HSPA12A: variants seen among roughly 807,000 people sequenced by gnomAD.
HSPA12A encodes heat shock protein family A (Hsp70) member 12A.
Under a neutral mutation model 69.2 loss-of-function variants are expected in HSPA12A, and 28 were observed. The ratio of observed to expected loss-of-function variants is 0.40; its 90% confidence interval spans 0.30 to 0.55. The LOEUF (loss-of-function observed/expected upper bound fraction) is 0.55. Among genes scored for constraint, HSPA12A ranks in the 20% least tolerant of loss-of-function variants. The pLI is 0.38. For missense variants in HSPA12A, 686 were observed against 900.7 expected, an observed-to-expected ratio of 0.76 and a Z score of 3.05; for synonymous variants, 345 against 370.5, an observed-to-expected ratio of 0.93 and a Z score of 0.79.
In HSPA12A at chr10:116,759,924, G is replaced by A. The variant is rs188854023; in HGVS notation, c.92-52639C>T. Among the ~76,000 whole-genome samples the A allele has an allele frequency of 7.2e-4, 109 of 152,234 alleles. 1 individual carries two copies. Among genetic ancestry groups the A allele is most frequent in the Middle Eastern group, 3.4e-3 (1 of 294 alleles). On this transcript the variant is annotated intron_variant, in intron 2 of 12. Transcript: ENST00000635765. Reference sequence around the variant, plus strand: ...AACAAGTTCTGTTCTCTTGTCTGCCGCCATGTGAGATGTGCCTTTCACCTT... The same window carrying A: ...AACAAGTTCTGTTCTCTTGTCTGCCACCATGTGAGATGTGCCTTTCACCTT...
intron 2 of HSPA12A, among the ~76,000 whole-genome samples, chr10:116,821,937 A>C (rs1325868616): frequency 6.6e-6 from 1 of 152,244 alleles, no homozygotes; most frequent in Non-Finnish European, 1.5e-5. Flanking sequence ...TGTAATCCAG[A>C]TAATCCAGGC....
intron 1 of HSPA12A, among the ~76,000 whole-genome samples, chr10:116,711,722 G>A (rs1420663638): frequency 2.7e-5 from 4 of 147,224 alleles, no homozygotes; most frequent in Non-Finnish European, 5.9e-5. Flanking sequence ...TGAGTGCAGT[G>A]GTGCGATCTC....
At chr10:116,829,083 A>G (rs1442139267) in intron 2 of HSPA12A, 1 of 152,172 alleles carries the variant, frequency 6.6e-6, no homozygotes, top group Non-Finnish European at 1.5e-5. Context: ...CCCAAATCTC[A>G]CCTTGAATTG....
intron 10 of HSPA12A, among the ~76,000 whole-genome samples, chr10:116,677,641 C>A (rs1313685287): frequency 2.0e-5 from 3 of 152,216 alleles, no homozygotes; most frequent in Admixed American, 6.5e-5. Flanking sequence ...GACATGAAAT[C>A]TGCTTTCACT....
At chr10:116,738,010 C>G (rs547945919) in intron 1 of HSPA12A, among the ~76,000 whole-genome samples, 1 of 152,188 alleles carries the variant, frequency 6.6e-6, no homozygotes, top group African/African-American at 2.4e-5. Context: ...CCCTGCCACA[C>G]GCTGCTCATT....
chr10:116,820,533 C>A (rs1198396125), intron 2 of HSPA12A, among the ~76,000 whole-genome samples: 3 of 152,112 alleles, frequency 2.0e-5, no homozygotes, highest in African/African-American at 7.2e-5. Flanking sequence ...ACCACCCTCT[C>A]CTCTTCATTT....
intron 2 of HSPA12A, among the ~76,000 whole-genome samples, chr10:116,798,306 G>T (rs910638782): frequency 7.9e-5 from 12 of 152,162 alleles, no homozygotes; most frequent in Middle Eastern, 3.2e-3. Flanking sequence ...TTTGCCCAGG[G>T]TGGAGGGAGC....
intron 2 of HSPA12A, among the ~76,000 whole-genome samples, chr10:116,764,658 T>C (rs1015195115): frequency 3.2e-4 from 48 of 152,226 alleles, no homozygotes; most frequent in African/African-American, 1.1e-3. Context: ...GATGTCTTTT[T>C]ATAGTTTTTA....
chr10:116,754,754 C>G (rs949217039), intron 2 of HSPA12A, among the ~76,000 whole-genome samples: 2 of 152,184 alleles, frequency 1.3e-5, no homozygotes, highest in Non-Finnish European at 2.9e-5. Flanking sequence ...TTATTAAACA[C>G]AGGTAAGTTA....
intron 1 of HSPA12A, among the ~76,000 whole-genome samples, chr10:116,724,483 T>C (rs1554884755): frequency 6.6e-6 from 1 of 152,130 alleles, no homozygotes; most frequent in Non-Finnish European, 1.5e-5. Context: ...GAAGACCCCC[T>C]TCCCCATGGT....
chr10:116,721,515 A>G (rs1429214561), intron 1 of HSPA12A, among the ~76,000 whole-genome samples: 1 of 152,226 alleles, frequency 6.6e-6, no homozygotes, highest in Non-Finnish European at 1.5e-5. Flanking sequence ...AATACTGACC[A>G]TTAAATTTTG....
At chr10:116,841,041 C>T (rs1845794237) in intron 1 of HSPA12A, among the ~76,000 whole-genome samples, 1 of 152,210 alleles carries the variant, frequency 6.6e-6, no homozygotes. Context: ...CACACACACA[C>T]AAATGGTGAT....
intron 2 of HSPA12A, among the ~76,000 whole-genome samples, chr10:116,780,909 G>A (rs1554891737): frequency 6.6e-6 from 1 of 152,190 alleles, no homozygotes; most frequent in Non-Finnish European, 1.5e-5. Context: ...ATTTCAGCCA[G>A]AGATTAATGA....
Position 116,750,582 on chromosome 10 carries a change from A to G in HSPA12A, c.92-43297T>C, listed in dbSNP as rs1851754182. The G allele has an allele frequency of 4.8e-5, 16 of 330,688 alleles. No individual in the cohort carries two copies. The South Asian group carries it at 4.9e-4, about 10-fold the overall frequency. 20.5% of individuals were successfully genotyped at this position (330,688 alleles called of 1,614,324 possible). On this transcript the variant is annotated intron_variant, in intron 2 of 12. Transcript: ENST00000635765. ...AAAAAACAGTCCTCTCAATACATAA[A>G]AAAACAGCATAACTCCAGGCATGGA...
chr10:116,783,674 A>G (rs1233316366), intron 2 of HSPA12A, among the ~76,000 whole-genome samples: 1 of 152,220 alleles, frequency 6.6e-6, no homozygotes, highest in Non-Finnish European at 1.5e-5. Flanking sequence ...AAGTGGGGGG[A>G]AAAAAGAGCA....
At chr10:116,793,920 C>T (rs769918570) in intron 2 of HSPA12A, among the ~76,000 whole-genome samples, 3 of 151,706 alleles carry the variant, frequency 2.0e-5, no homozygotes, top group South Asian at 2.1e-4. Context: ...GGGACCAGGC[C>T]GGGCACGGTG....
chr10:116,687,996 T>A (rs1489561050), intron 6 of HSPA12A, among the ~76,000 whole-genome samples: 1 of 150,184 alleles, frequency 6.7e-6, no homozygotes, highest in East Asian at 1.9e-4. Flanking sequence ...TTTTTTGCGA[T>A]TTTTTTTTTA....
intron 1 of HSPA12A, among the ~76,000 whole-genome samples, chr10:116,843,601 C>T (rs910750256): frequency 2.6e-5 from 4 of 152,198 alleles, no homozygotes; most frequent in African/African-American, 9.6e-5. Context: ...AGGGTTAGAA[C>T]TCAGGAGCTT....
intron 1 of HSPA12A, among the ~76,000 whole-genome samples, chr10:116,727,340 T>A (rs1554885153): frequency 6.6e-6 from 1 of 152,108 alleles, no homozygotes; most frequent in Admixed American, 6.5e-5. Flanking sequence ...GGGCCTCAGT[T>A]CCCCTCTAGG....
Sources: gnomAD v4.1 joint callset for allele counts (sites outside exome capture counted in the v4.1 genomes callset) on GRCh38, gnomAD v4.1.1 for gene constraint, MANE v1.5 for transcripts, NCBI Gene and HGNC (gene_info 2026-07-23, HGNC 2026-07-21) for gene names.